Variants in ZNF155 observed in about 807,000 individuals in gnomAD.
ZNF155 encodes the protein zinc finger protein 155, also known as KRAB A domain.
In ZNF155, 15 loss-of-function variants were observed where a neutral mutation model predicts 11.9. That is an observed-to-expected ratio of 1.26 (90% CI 0.84 to 1.94). ZNF155 has a LOEUF of 1.94. Among genes scored for constraint, ZNF155 ranks in the 30% most tolerant of loss-of-function variants. ZNF155 has a pLI of 0.00. For synonymous variants in ZNF155, 212 were observed against 219.9 expected, an observed-to-expected ratio of 0.96 and a Z score of 0.32; for missense variants, 602 against 639.1, an observed-to-expected ratio of 0.94 and a Z score of 0.63.
chr19:43,994,415 T>C (rs1327744657), intron 4 of ZNF155, among the ~76,000 whole-genome samples: 1 of 152,270 alleles, frequency 6.6e-6, no homozygotes, highest in Non-Finnish European at 1.5e-5. Context: ...TGATGTTTAA[T>C]GTTGTGCAGA....
intron 2 of ZNF155, chr19:43,990,172 AT>A: frequency 9.6e-7 from 1 of 1,042,476 alleles, no homozygotes; most frequent in Admixed American, 3.1e-5. Flanking sequence ...AAATGTGCTT[AT>A]TTTTTGATGT....
intron 4 of ZNF155, among the ~76,000 whole-genome samples, chr19:43,992,880 T>C (rs889952917): frequency 6.6e-6 from 1 of 152,258 alleles, no homozygotes; most frequent in African/African-American, 2.4e-5. Context: ...GTTTCAGGTG[T>C]GTACAATTGA....
Position 43,997,349 on chromosome 19 carries a change from T to C in ZNF155, c.1492T>C (p.Tyr498His), listed in dbSNP as rs1975938363. 1 of 1,613,800 alleles carries C rather than the reference T, an allele frequency of 6.2e-7. No individual in the cohort carries two copies. The highest frequency in any genetic ancestry group is 8.5e-7 in the Non-Finnish European group (1 of 1,179,780). The change falls in exon 5 of 5, where the codon TAC becomes CAC. Residue 498 changes from tyrosine to histidine, a missense_variant. Physicochemically the swap from Tyr to His is moderately conservative, Grantham distance 83 (BLOSUM62 2). Coordinates refer to ENST00000270014, the MANE Select transcript of ZNF155 (RefSeq NM_198089.3). ...DCGKRLVHRT[Y>H]RKDQPRDYSG... ...TGGAAAGAGGCTTGTACACAGGACA[T>C]ACCGTAAAGACCAGCCGAGAGACTA...
chr19:43,996,806 A>C lies in ZNF155; in HGVS notation c.949A>C (p.Arg317=). The change falls in exon 5 of 5, where the codon AGG becomes CGG. Residue 317 remains arginine (R), a synonymous_variant. Coordinates refer to ENST00000270014, the MANE Select transcript of ZNF155 (RefSeq NM_198089.3). The part of the protein sequence containing the change: ...SMVHTGEKPF[R]CDTCDKSFHQ... ...GGTTCACACAGGAGAAAAACCATTT[A>C]GGTGTGATACATGTGATAAGAGCTT... 2 of 1,614,238 alleles carry C rather than the reference A, an allele frequency of 1.2e-6. No homozygotes were observed. Among genetic ancestry groups the C allele is most frequent in the Non-Finnish European group, 8.5e-7 (1 of 1,180,030 alleles).
In ZNF155 at chr19:43,996,894, G is replaced by A; in HGVS notation, c.1037G>A (p.Cys346Tyr). The change falls in exon 5 of 5, where the codon TGT becomes TAT. Residue 346 changes from cysteine (C) to tyrosine (Y), a missense_variant. By Grantham distance (194) the Cys-to-Tyr change is radical. Coordinates refer to ENST00000270014, the MANE Select transcript of ZNF155 (RefSeq NM_198089.3). ...MVHTGEKPYR[C>Y]EQCGKGFIGR... ...CACACAGGAGAGAAACCGTACAGAT[G>A]TGAGCAGTGTGGAAAAGGCTTTATT... is the stretch of plus-strand genomic sequence containing the variant. 6.2e-7 allele frequency: 1 copy of A among 1,614,158 alleles called. No individual in the cohort carries two copies. Among genetic ancestry groups the A allele is most frequent in the Non-Finnish European group, 8.5e-7 (1 of 1,180,008 alleles).
At chr19:43,985,832 G>T (rs777467498) in intron 1 of ZNF155, among the ~76,000 whole-genome samples, 7 of 152,168 alleles carry the variant, frequency 4.6e-5, no homozygotes, top group Non-Finnish European at 8.8e-5. Flanking sequence ...GAGCCACCGC[G>T]CCCGGTCGCT....
intron 2 of ZNF155, among the ~76,000 whole-genome samples, chr19:43,990,821 G>A (rs576848872): frequency 5.4e-4 from 82 of 152,308 alleles, no homozygotes; most frequent in Non-Finnish European, 7.8e-4. Flanking sequence ...AGGGAGCACA[G>A]GAGTGTAGGA....
At position 43,996,428 on chromosome 19, in the gene ZNF155, C is replaced by T; in HGVS notation, c.571C>T (p.Leu191Phe). The change falls in exon 5 of 5, where the codon CTT (leucine) becomes TTT (phenylalanine). Residue 191 changes from leucine to phenylalanine, a missense_variant. By Grantham distance (22) the Leu-to-Phe change is conservative (BLOSUM62 0). Coordinates refer to ENST00000270014, the MANE Select transcript of ZNF155 (RefSeq NM_198089.3). ...CGKSICYISA[L>F]HVHQRVHVGE... ...AAAAAGCATCTGTTACATCTCAGCT[C>T]TTCATGTTCATCAGAGAGTCCACGT... is the stretch of plus-strand genomic sequence containing the variant. 3 of 1,614,156 alleles carry T rather than the reference C, an allele frequency of 1.9e-6. No individual in the cohort carries two copies. The highest frequency in any genetic ancestry group is 2.5e-6 in the Non-Finnish European group (3 of 1,180,018).
rs755729931 is a variant in ZNF155, at chr19:43,997,306, A to C, written c.1449A>C (p.Pro483=). 2.5e-6 allele frequency: 4 copies of C among 1,614,174 alleles called. No homozygotes were observed. The highest frequency in any genetic ancestry group is 1.7e-5 in the Admixed American group (1 of 60,032). ...NHKRLHCQKK[P]FKCEDCGKRL... ...AGAGACTCCACTGCCAGAAAAAACC[A>C]TTCAAATGTGAGGACTGTGGAAAGA... The change falls in exon 5 of 5, where the codon CCA becomes CCC. Residue 483 remains proline (P), a synonymous_variant. Transcript: ENST00000270014.
chr19:43,984,749 G>T (rs556386554), intron 1 of ZNF155, among the ~76,000 whole-genome samples: 2 of 152,290 alleles, frequency 1.3e-5, no homozygotes, highest in African/African-American at 4.8e-5. Context: ...TCAGGTGCCC[G>T]GGTGGGGTCA....
intron 4 of ZNF155, among the ~76,000 whole-genome samples, chr19:43,994,601 A>G (rs766818338): frequency 6.6e-6 from 1 of 152,246 alleles, no homozygotes; most frequent in Non-Finnish European, 1.5e-5. Flanking sequence ...GAAAACATGT[A>G]TATTATACTT....
At position 43,985,889 on chromosome 19, in the gene ZNF155, C is replaced by T. The variant is rs370803245; in HGVS notation, c.-86+1644C>T. On this transcript the variant is annotated intron_variant, in intron 1 of 4. Transcript: ENST00000270014. ...AGTGAGACACCTGGTGCTTAGTTCC[C>T]AGTAGAATGAGGTACAGCTGGAGCT... Among the ~76,000 whole-genome samples the T allele has an allele frequency of 9.9e-5, 15 of 152,216 alleles. 1 individual carries two copies. The highest frequency in any genetic ancestry group is 3.6e-4 in the African/African-American group (15 of 41,508).
In ZNF155 at chr19:43,988,649, G is replaced by T. The variant is rs185220433; in HGVS notation, c.15+91G>T. 3.9e-3 allele frequency: 5,521 copies of T among 1,398,576 alleles called. 98 individuals are homozygous for T. The South Asian group carries it at 0.045, about 11-fold the overall frequency. 86.6% of individuals were successfully genotyped at this position (1,398,576 alleles called of 1,614,324 possible). A position where few individuals can be genotyped will look rare whatever the true frequency, so the allele number is the denominator to read the frequency against. On this transcript the variant is annotated intron_variant, in intron 2 of 4. Coordinates refer to ENST00000270014, the MANE Select transcript of ZNF155 (RefSeq NM_198089.3). ...TCTCTGTCATGAGAAGACTCAAGGG[G>T]AAAACAGGCATTTGGGGACCTGTTT...
Position 43,988,506 on chromosome 19 carries a change from AC to A in ZNF155, c.-35del. ...ATTCCTCCTTCATTCAAACTGCATC[AC>A]CCAGGAGTCTGCAAATTCCCCAAAG... On this transcript the variant is annotated 5_prime_UTR_variant, in exon 2 of 5. Transcript: ENST00000270014. The A allele has an allele frequency of 6.2e-7, 1 of 1,605,290 alleles. No homozygotes were observed. The highest frequency in any genetic ancestry group is 8.5e-7 in the Non-Finnish European group (1 of 1,174,672).
intron 1 of ZNF155, among the ~76,000 whole-genome samples, chr19:43,988,200 C>G (rs751522262): frequency 6.6e-6 from 1 of 152,160 alleles, no homozygotes; most frequent in Admixed American, 6.5e-5. Context: ...ATTATCTATT[C>G]TGGATGGTTC....
chr19:43,986,453 T>TG (rs1335915740), intron 1 of ZNF155, among the ~76,000 whole-genome samples: 4 of 118,242 alleles, frequency 3.4e-5, no homozygotes, highest in African/African-American at 1.1e-4. Flanking sequence ...ATTTGTGTTT[T>TG]TTTTTTTTTT....
chr19:43,991,489 G>T (rs954355034), intron 2 of ZNF155, 59 bp from the exon 3 acceptor site: 1 of 1,611,896 alleles, frequency 6.2e-7, no homozygotes, highest in African/African-American at 1.3e-5. Context: ...GCTCAATGCC[G>T]CTTCTCCCCC....
chr19:43,986,691 C>T (rs1272862330), intron 1 of ZNF155, among the ~76,000 whole-genome samples: 5 of 152,044 alleles, frequency 3.3e-5, no homozygotes, highest in South Asian at 2.1e-4. Flanking sequence ...CCTTGTGATC[C>T]GCCCACCTCG....
At chr19:43,995,878 A>G (rs1311763421) in intron 4 of ZNF155, among the ~76,000 whole-genome samples, 1 of 152,218 alleles carries the variant, frequency 6.6e-6, no homozygotes, top group African/African-American at 2.4e-5. Flanking sequence ...ATATTTTTAA[A>G]TTAAGTCTAT....
Sources: gnomAD v4.1 joint callset for allele counts (sites outside exome capture counted in the v4.1 genomes callset) on GRCh38, gnomAD v4.1.1 for gene constraint, MANE v1.5 for transcripts, NCBI Gene and HGNC (gene_info 2026-07-23, HGNC 2026-07-21) for gene names.